Variants in SLFN5 observed in about 807,000 individuals in gnomAD.
The protein encoded by SLFN5 is schlafen family member 5.
SLFN5 carries 34 observed loss-of-function variants against 48.5 expected under a neutral mutation model. That is an observed-to-expected ratio of 0.70 (90% CI 0.53 to 0.93). The LOEUF (loss-of-function observed/expected upper bound fraction) is 0.93, where lower values mean the gene tolerates loss of function less well. Ranked by LOEUF, SLFN5 falls within the 40% of genes least tolerant of loss-of-function variation. SLFN5 has a pLI of 0.00. For synonymous variants in SLFN5, 387 were observed against 396.2 expected (o/e 0.98, Z 0.28); for missense variants, 1,006 against 1,071.3 (o/e 0.94, Z 0.85).
At position 35,272,622 on chromosome 17, in the gene SLFN5, A is replaced by C. The variant is rs1904859970; in HGVS notation, c.*6734A>C. 4 of 152,274 alleles carry C rather than the reference A, an allele frequency of 2.6e-5. No homozygotes were observed. Among genetic ancestry groups the C allele is most frequent in the African/African-American group, 9.6e-5 (4 of 41,474 alleles). The allele number at this position is 152,274 out of a possible 1,614,324, so 9.4% of individuals were successfully genotyped here. On this transcript the variant is annotated 3_prime_UTR_variant, in exon 5 of 5. Transcript: ENST00000299977. Reference sequence around the variant, plus strand: ...CACACTGGAAAAAGAATTGCAATGAATATCACAGCCAAATAGTTAATTTCT... The same window carrying C: ...CACACTGGAAAAAGAATTGCAATGACTATCACAGCCAAATAGTTAATTTCT...
At position 35,259,437 on chromosome 17, in the gene SLFN5, G is replaced by A. The variant is rs138492925; in HGVS notation, c.747G>A (p.Thr249=). 4.6e-4 allele frequency: 738 copies of A among 1,614,126 alleles called. 3 individuals carry two copies. The highest frequency in any genetic ancestry group is 2.6e-3 in the Middle Eastern group (16 of 6,062). Residue 249 remains threonine, a synonymous_variant, in exon 2 of 5, where the codon ACG becomes ACA. Coordinates refer to ENST00000299977, the MANE Select transcript of SLFN5 (RefSeq NM_144975.4). The part of the protein sequence containing the change: ...IGCEKEKIDL[T]SLRASIDGCI... ...GTGAAAAAGAGAAAATAGACCTTAC[G>A]AGCTTGAGGGCTTCTATTGATGGCT...
chr17:35,263,811 C>A (rs370741463), intron 3 of SLFN5, among the ~76,000 whole-genome samples: 113 of 122,322 alleles, frequency 9.2e-4, no homozygotes, highest in Non-Finnish European at 9.9e-4. Flanking sequence ...GACTCCATCT[C>A]AAAAAAAAAA....
At chr17:35,261,424 C>T (rs1904516753) in intron 3 of SLFN5, among the ~76,000 whole-genome samples, 2 of 152,240 alleles carry the variant, frequency 1.3e-5, no homozygotes, top group South Asian at 4.1e-4. Flanking sequence ...AATCCCAGCA[C>T]TTTGGGAGGG....
At chr17:35,251,794 A>G (rs1009922681) in intron 1 of SLFN5, among the ~76,000 whole-genome samples, 1 of 142,824 alleles carries the variant, frequency 7.0e-6, no homozygotes, top group African/African-American at 2.6e-5. Context: ...GCTCACTGCA[A>G]CTTCTGCCTC....
Position 35,264,914 on chromosome 17 carries a change from T to G in SLFN5, c.1859+11T>G, listed in dbSNP as rs752297366. ...GAAGAAGTTGGTGAGGTATGCTGCT[T>G]GTCTGTGTTCACTTTATTTTCTTGA... On this transcript the variant is annotated intron_variant, in intron 4 of 4. Transcript: ENST00000299977. The G allele has an allele frequency of 7.1e-6, 11 of 1,546,778 alleles. No homozygotes were observed. The South Asian group carries it at 1.4e-4, about 20-fold the overall frequency.
rs765773971 is a variant in SLFN5 at position 35,265,403 on chromosome 17, C to A, written c.2191C>A (p.Gln731Lys). Reference protein sequence around the residue: ...YLQQVMQEARQNPPPNLPPGS... With the variant: ...YLQQVMQEARKNPPPNLPPGS... Reference sequence around the variant, plus strand: ...ACAACAAGTAATGCAGGAAGCCCGACAAAATCCTCCACCTAACCTCCCCCC... The same window carrying A: ...ACAACAAGTAATGCAGGAAGCCCGAAAAAATCCTCCACCTAACCTCCCCCC... Residue 731 changes from glutamine (Q) to lysine (K), a missense_variant, in exon 5 of 5, where the codon CAA becomes AAA. Physicochemically the swap from Gln to Lys is moderately conservative, Grantham distance 53. Transcript: ENST00000299977. The A allele has an allele frequency of 6.2e-7, 1 of 1,614,106 alleles. No individual in the cohort carries two copies. Among genetic ancestry groups the A allele is most frequent in the Non-Finnish European group, 8.5e-7 (1 of 1,180,050 alleles).
rs1383181669 is a variant in SLFN5, at chr17:35,267,806, A to T, written c.*1918A>T. ...ACTATCTCATCTGCCCAGTGTAGTC[A>T]TGAATAGATGTCACATAAAGAAAAG... On this transcript the variant is annotated 3_prime_UTR_variant, in exon 5 of 5. Coordinates refer to ENST00000299977, the MANE Select transcript of SLFN5 (RefSeq NM_144975.4). 2.0e-5 allele frequency: 3 copies of T among 152,252 alleles called. No individual in the cohort carries two copies. The highest frequency in any genetic ancestry group is 7.2e-5 in the African/African-American group (3 of 41,460). The allele number at this position is 152,252 out of a possible 1,614,324, so 9.4% of individuals were successfully genotyped here.
chr17:35,258,573 G>A (rs1405732066), intron 1 of SLFN5, 78 bp from the exon 2 acceptor site: 3 of 1,259,906 alleles, frequency 2.4e-6, no homozygotes, highest in Admixed American at 2.5e-5. Context: ...AACCTCAGTA[G>A]GATGGCCTTA....
rs1378082016 is a variant in SLFN5 at position 35,269,808 on chromosome 17, G to A, written c.*3920G>A. Reference sequence around the variant, plus strand: ...CCCCCAAAGAATATCAGTTACCAAAGTAGGATGAAAGGATGTTGGGTAGAT... The same window carrying A: ...CCCCCAAAGAATATCAGTTACCAAAATAGGATGAAAGGATGTTGGGTAGAT... On this transcript the variant is annotated 3_prime_UTR_variant, in exon 5 of 5. Transcript: ENST00000299977. 2 of 152,208 alleles carry A rather than the reference G, an allele frequency of 1.3e-5. No homozygotes were observed. The highest frequency in any genetic ancestry group is 2.9e-5 in the Non-Finnish European group (2 of 68,042). 9.4% of individuals were successfully genotyped at this position (152,208 alleles called of 1,614,324 possible). A position where few individuals can be genotyped will look rare whatever the true frequency, so the allele number is the denominator to read the frequency against.
In SLFN5 at chr17:35,264,206, A is replaced by G. The variant is rs1215109388; in HGVS notation, c.1162A>G (p.Thr388Ala). Residue 388 changes from threonine to alanine, a missense_variant, in exon 4 of 5, where the codon ACT (threonine) becomes GCT (alanine). Transcript: ENST00000299977. ...AGTATTTTCAGACAGAGTGGTATATACTCCAGAAAGCCTCTACAAGGAACT... is the reference window on the plus strand; with the variant it reads ...AGTATTTTCAGACAGAGTGGTATATGCTCCAGAAAGCCTCTACAAGGAACT... Reference protein sequence around the residue: ...FPVFSDRVVYTPESLYKELFS... With the variant: ...FPVFSDRVVYAPESLYKELFS... 1 of 1,610,370 alleles carries G rather than the reference A, an allele frequency of 6.2e-7. No homozygotes were observed. The highest frequency in any genetic ancestry group is 8.5e-7 in the Non-Finnish European group (1 of 1,178,786).
At position 35,272,891 on chromosome 17, in the gene SLFN5, A is replaced by G. The variant is rs1904867250; in HGVS notation, c.*7003A>G. 6.6e-6 allele frequency: 1 copy of G among 152,248 alleles called. No individual in the cohort carries two copies. Among genetic ancestry groups the G allele is most frequent in the African/African-American group, 2.4e-5 (1 of 41,466 alleles). 9.4% of individuals were successfully genotyped at this position (152,248 alleles called of 1,614,324 possible). On this transcript the variant is annotated 3_prime_UTR_variant, in exon 5 of 5. Transcript: ENST00000299977. ...GTAAATTGGTACATCTTCTACTGAGAACAATCCGGCAGTAGTTAACAAAAT... is the reference window on the plus strand; with the variant it reads ...GTAAATTGGTACATCTTCTACTGAGGACAATCCGGCAGTAGTTAACAAAAT...
At position 35,261,675 on chromosome 17, in the gene SLFN5, CTT is replaced by C. The variant is rs200709274; in HGVS notation, c.1138+595_1138+596del. ...TGAGCCACCACGCCAAGCCACCAGT[CTT>C]TTTTTTTTTTTTTTTGAGATGAAGT... On this transcript the variant is annotated intron_variant, in intron 3 of 4. Coordinates refer to ENST00000299977, the MANE Select transcript of SLFN5 (RefSeq NM_144975.4). Among the ~76,000 whole-genome samples the C allele has an allele frequency of 7.1e-4, 90 of 126,768 alleles. 1 individual carries two copies. The South Asian group carries it at 0.012, about 17-fold the overall frequency. 83.2% of individuals were successfully genotyped at this position (126,768 alleles called of 152,430 possible).
chr17:35,260,038 A>G (rs1228812501), intron 2 of SLFN5, among the ~76,000 whole-genome samples: 1 of 152,168 alleles, frequency 6.6e-6, no homozygotes, highest in Non-Finnish European at 1.5e-5. Flanking sequence ...ATGAGCTTGC[A>G]TTTAATTATT....
Position 35,271,742 on chromosome 17 carries a change from A to G in SLFN5, c.*5854A>G, listed in dbSNP as rs1489275712. The G allele has an allele frequency of 6.6e-6, 1 of 152,222 alleles. No homozygotes were observed. Among genetic ancestry groups the G allele is most frequent in the Non-Finnish European group, 1.5e-5 (1 of 68,044 alleles). The allele number at this position is 152,222 out of a possible 1,614,324, so 9.4% of individuals were successfully genotyped here. ...TAGCATTGAAATGATTTTAAAATTT[A>G]ATGAAGGCCAAGCATGGTGGCTCAC... On this transcript the variant is annotated 3_prime_UTR_variant, in exon 5 of 5. Coordinates refer to ENST00000299977, the MANE Select transcript of SLFN5 (RefSeq NM_144975.4).
At chr17:35,252,992 G>T (rs2127828) in intron 1 of SLFN5, among the ~76,000 whole-genome samples, 1 of 151,474 alleles carries the variant, frequency 6.6e-6, no homozygotes, top group East Asian at 1.9e-4. Context: ...TAGTCAATTT[G>T]GGCTGCTGTA....
intron 3 of SLFN5, among the ~76,000 whole-genome samples, chr17:35,263,982 T>C (rs1904597706): frequency 6.6e-6 from 1 of 152,210 alleles, no homozygotes; most frequent in South Asian, 2.1e-4. Flanking sequence ...TGACCACTTT[T>C]TACCATAATT....
In SLFN5 at chr17:35,265,176, G is replaced by A. The variant is rs750747788; in HGVS notation, c.1964G>A (p.Arg655His). Residue 655 changes from arginine (R) to histidine (H), a missense_variant, in exon 5 of 5, where the codon CGT becomes CAT. Coordinates refer to ENST00000299977, the MANE Select transcript of SLFN5 (RefSeq NM_144975.4). ...ATCATTGATGACGCTCAGAATTTCC[G>A]TACTGAAGATGGGGACTGGTATGGG... ...HIIIDDAQNF[R>H]TEDGDWYGKA... 8.0e-5 allele frequency: 129 copies of A among 1,614,020 alleles called. No individual in the cohort carries two copies. Among genetic ancestry groups the A allele is most frequent in the Middle Eastern group, 1.6e-4 (1 of 6,084 alleles).
At chr17:35,255,155 T>G (rs2092451421) in intron 1 of SLFN5, among the ~76,000 whole-genome samples, 1 of 152,222 alleles carries the variant, frequency 6.6e-6, no homozygotes, top group Non-Finnish European at 1.5e-5. Context: ...GTTATTCTTC[T>G]AATTAGAAAA....
rs754378463 is a variant in SLFN5 at position 35,265,340 on chromosome 17, A to G, written c.2128A>G (p.Arg710Gly). The change falls in exon 5 of 5, where the codon AGA (arginine) becomes GGA (glycine). Residue 710 changes from arginine (R) to glycine (G), a missense_variant. Coordinates refer to ENST00000299977, the MANE Select transcript of SLFN5 (RefSeq NM_144975.4). ...CCAGTATCCAAGAGAAGAGATCAACAGAGTGGTCCGCAATGCAGGTCCAAT... is the reference window on the plus strand; with the variant it reads ...CCAGTATCCAAGAGAAGAGATCAACGGAGTGGTCCGCAATGCAGGTCCAAT... ...SDQYPREEIN[R>G]VVRNAGPIAN... 2 of 1,614,186 alleles carry G rather than the reference A, an allele frequency of 1.2e-6. No homozygotes were observed. Among genetic ancestry groups the G allele is most frequent in the Admixed American group, 3.3e-5 (2 of 60,024 alleles).
Sources: allele counts gnomAD v4.1 joint callset (sites outside exome capture counted in the v4.1 genomes callset), GRCh38; gene constraint gnomAD v4.1.1; transcripts MANE v1.5; gene names NCBI Gene and HGNC (gene_info 2026-07-23, HGNC 2026-07-21).